Variants in ZNF280B observed in about 807,000 individuals in gnomAD.
ZNF280B encodes the protein zinc finger protein 280B.
In ZNF280B, 16 loss-of-function variants were observed where a neutral mutation model predicts 38.0. The ratio of observed to expected loss-of-function variants is 0.42; its 90% confidence interval spans 0.28 to 0.64. The LOEUF is 0.64. ZNF280B is among the 30% of genes least tolerant of loss of function. The probability of loss-of-function intolerance (pLI) is 0.21; values close to 1 mark genes in which losing one functional copy is unlikely to be tolerated. For synonymous variants in ZNF280B, 253 were observed against 230.6 expected (o/e 1.10, Z -0.88); for missense variants, 581 against 639.6 (o/e 0.91, Z 0.99).
chr22:22,492,442 C>A (rs2061614100), intron 3 of ZNF280B, among the ~76,000 whole-genome samples: 1 of 151,882 alleles, frequency 6.6e-6, no homozygotes, highest in South Asian at 2.1e-4. Context: ...CAGCAGTAGT[C>A]CCCCAGGGTG....
intron 3 of ZNF280B, 150 bp downstream of exon 3, chr22:22,493,913 C>G (rs901564233): frequency 6.6e-6 from 1 of 151,878 alleles, no homozygotes; most frequent in Non-Finnish European, 1.5e-5. Context: ...GTGTTCCCCC[C>G]ACCCCCAAAT....
Position 22,488,120 on chromosome 22 carries a change from C to T in ZNF280B, c.1279G>A (p.Glu427Lys). ...GGACAAAGCAAATTCTTTGTGTTTT[C>T]ATGGCACGTTCTAAAATGTGTTTCT... Reference protein sequence around the residue: ...DVETHFRTCHENTKNLLCPFC... With the variant: ...DVETHFRTCHKNTKNLLCPFC... Residue 427 changes from glutamate to lysine, a missense_variant, in exon 4 of 4, where the codon GAA becomes AAA. Transcript: ENST00000626650. 1 of 1,613,852 alleles carries T rather than the reference C, an allele frequency of 6.2e-7. No individual in the cohort carries two copies. Among genetic ancestry groups the T allele is most frequent in the Non-Finnish European group, 8.5e-7 (1 of 1,179,952 alleles).
intron 2 of ZNF280B, among the ~76,000 whole-genome samples, chr22:22,505,641 T>A (rs1161202617): frequency 1.3e-5 from 2 of 150,808 alleles, no homozygotes; most frequent in Admixed American, 6.6e-5. Context: ...GCACCTGTAA[T>A]CCCAGCTACT....
chr22:22,503,994 T>A (rs775052747), intron 2 of ZNF280B, among the ~76,000 whole-genome samples: 35 of 151,988 alleles, frequency 2.3e-4, no homozygotes, highest in Non-Finnish European at 3.7e-4. Context: ...ACAACACTAA[T>A]GCTAAAGCTC....
intron 3 of ZNF280B, among the ~76,000 whole-genome samples, chr22:22,491,187 C>T (rs989020811): frequency 3.7e-4 from 56 of 151,854 alleles, no homozygotes; most frequent in African/African-American, 1.3e-3. Flanking sequence ...GACTCTCCTT[C>T]ATAAGATCCT....
chr22:22,508,377 G>A (rs983852005), intron 1 of ZNF280B, among the ~76,000 whole-genome samples: 1 of 151,950 alleles, frequency 6.6e-6, no homozygotes, highest in Non-Finnish European at 1.5e-5. Flanking sequence ...CCCTTCTCCA[G>A]GAGGCCCGGG....
At chr22:22,495,156 G>A (rs1305443916) in intron 2 of ZNF280B, among the ~76,000 whole-genome samples, 1 of 151,912 alleles carries the variant, frequency 6.6e-6, no homozygotes, top group African/African-American at 2.4e-5. Context: ...TGAACCCCAG[G>A]ATTGTGGGGC....
intron 3 of ZNF280B, among the ~76,000 whole-genome samples, chr22:22,490,658 G>A (rs921256584): frequency 6.6e-6 from 1 of 151,698 alleles, no homozygotes; most frequent in South Asian, 2.1e-4. Flanking sequence ...AGTAGAGATC[G>A]GGTTTCACCA....
chr22:22,489,982 C>A (rs1269919827), intron 3 of ZNF280B, among the ~76,000 whole-genome samples: 1 of 151,844 alleles, frequency 6.6e-6, no homozygotes, highest in Non-Finnish European at 1.5e-5. Context: ...AAGAAAATTA[C>A]AATAAATGAA....
rs997594499 is a variant in ZNF280B, at chr22:22,487,686, A to G, written c.*81T>C. 134 of 1,224,656 alleles carry G rather than the reference A, an allele frequency of 1.1e-4. No individual in the cohort carries two copies. Among genetic ancestry groups the G allele is most frequent in the Non-Finnish European group, 1.4e-4 (126 of 881,676 alleles). The allele number at this position is 1,224,656 out of a possible 1,614,324, so 75.9% of individuals were successfully genotyped here. On this transcript the variant is annotated 3_prime_UTR_variant, in exon 4 of 4. Coordinates refer to ENST00000626650, the MANE Select transcript of ZNF280B (RefSeq NM_080764.4). ...TTCACTATTTTTGGTGCTACTGAATAATGTATGGTTTGTATTTTTTGTTTT... is the reference window on the plus strand; with the variant it reads ...TTCACTATTTTTGGTGCTACTGAATGATGTATGGTTTGTATTTTTTGTTTT...
rs148287160 is a variant in ZNF280B, at chr22:22,488,502, C to T, written c.897G>A (p.Pro299=). ...YYGQHKGEGQ[P]EQKTHTTFKC... ...TAAAGGTGGTGTGAGTCTTCTGTTC[C>T]GGCTGCCCTTCTCCTTTATGCTGTC... The change falls in exon 4 of 4, where the codon CCG becomes CCA. Residue 299 remains proline (P), a synonymous_variant. Transcript: ENST00000626650. 7.2e-5 allele frequency: 116 copies of T among 1,613,868 alleles called. 1 individual carries two copies. The highest frequency in any genetic ancestry group is 6.9e-4 in the South Asian group (63 of 91,066).
intron 2 of ZNF280B, among the ~76,000 whole-genome samples, chr22:22,502,004 G>A (rs776071258): frequency 2.0e-5 from 3 of 151,870 alleles, no homozygotes; most frequent in Admixed American, 6.6e-5. Context: ...CTACTCAGGG[G>A]TGGAATGAGG....
intron 3 of ZNF280B, among the ~76,000 whole-genome samples, chr22:22,490,066 T>TA (rs1249592519): frequency 6.6e-6 from 1 of 151,900 alleles, no homozygotes; most frequent in Non-Finnish European, 1.5e-5. Context: ...TTTATAGAGT[T>TA]AGAGTACCTA....
At chr22:22,491,082 T>C (rs1178893081) in intron 3 of ZNF280B, among the ~76,000 whole-genome samples, 2 of 151,974 alleles carry the variant, frequency 1.3e-5, no homozygotes, top group East Asian at 3.9e-4. Flanking sequence ...ATTCTATCTT[T>C]TGTTGACTGT....
At chr22:22,505,849 T>C (rs1007702451) in intron 2 of ZNF280B, among the ~76,000 whole-genome samples, 3 of 151,926 alleles carry the variant, frequency 2.0e-5, no homozygotes, top group African/African-American at 7.3e-5. Context: ...AGGCTCTGAG[T>C]GAGAAGTAAT....
chr22:22,489,847 T>A (rs2061558492), intron 3 of ZNF280B, among the ~76,000 whole-genome samples: 1 of 151,912 alleles, frequency 6.6e-6, no homozygotes, highest in South Asian at 2.1e-4. Flanking sequence ...TTTAGCAAGT[T>A]TTTTACTTTT....
chr22:22,503,712 G>T (rs1285620161), intron 2 of ZNF280B, among the ~76,000 whole-genome samples: 1 of 151,958 alleles, frequency 6.6e-6, no homozygotes, highest in Non-Finnish European at 1.5e-5. Context: ...GACCAAGACA[G>T]TTATAGTTTA....
chr22:22,495,297 G>A (rs1449392394), intron 2 of ZNF280B, among the ~76,000 whole-genome samples: 1 of 151,904 alleles, frequency 6.6e-6, no homozygotes, highest in African/African-American at 2.4e-5. Context: ...ACTACTTCTA[G>A]ATAACCTTTT....
chr22:22,504,816 AAAGGG>A (rs1403538609), intron 2 of ZNF280B, among the ~76,000 whole-genome samples: 2 of 151,952 alleles, frequency 1.3e-5, no homozygotes, highest in Non-Finnish European at 2.9e-5. Flanking sequence ...AGAAAAGGAG[AAAGGG>A]AAGCATCAAG....
Sources: allele counts gnomAD v4.1 joint callset (sites outside exome capture counted in the v4.1 genomes callset), GRCh38; gene constraint gnomAD v4.1.1; transcripts MANE v1.5; gene names NCBI Gene and HGNC (gene_info 2026-07-23, HGNC 2026-07-21).